Variants in ZBTB16 observed in about 807,000 individuals in gnomAD.
ZBTB16 encodes zinc finger and BTB domain containing 16.
A neutral mutation model predicts 56.8 loss-of-function variants in ZBTB16; 8 were observed. That is an observed-to-expected ratio of 0.14 (90% CI 0.08 to 0.25). The LOEUF (loss-of-function observed/expected upper bound fraction) is 0.25, where lower values mean the gene tolerates loss of function less well. Among genes scored for constraint, ZBTB16 ranks in the 10% least tolerant of loss-of-function variants. The pLI, the probability that ZBTB16 is intolerant of heterozygous loss-of-function variation, is 1.00. For synonymous variants in ZBTB16, 363 were observed against 368.5 expected (o/e 0.98, Z 0.17); for missense variants, 625 against 903.0 (o/e 0.69, Z 3.95).
chr11:114,242,530 G>A (rs780947857), intron 5 of ZBTB16, among the ~76,000 whole-genome samples, 193 bp downstream of exon 5: 1 of 152,168 alleles, frequency 6.6e-6, no homozygotes, highest in South Asian at 2.1e-4. Context: ...GTGGACCGTC[G>A]GTTCAAAGTC....
At chr11:114,247,520 C>T (rs1944839088) in intron 6 of ZBTB16, among the ~76,000 whole-genome samples, 155 bp downstream of exon 6, 1 of 128,938 alleles carries the variant, frequency 7.8e-6, no homozygotes, top group Non-Finnish European at 1.8e-5. Context: ...GGCCTGAGGA[C>T]CACCACACCC....
At chr11:114,218,643 G>A (rs1329708109) in intron 4 of ZBTB16, among the ~76,000 whole-genome samples, 3 of 152,146 alleles carry the variant, frequency 2.0e-5, no homozygotes, top group African/African-American at 7.2e-5. Flanking sequence ...CATATCAAAG[G>A]ATCATTAGCA....
intron 2 of ZBTB16, among the ~76,000 whole-genome samples, chr11:114,076,172 G>A (rs1406248399): frequency 6.6e-6 from 1 of 152,160 alleles, no homozygotes; most frequent in Admixed American, 6.5e-5. Context: ...TGGAGATGAC[G>A]CCTCCTCAGG....
At chr11:114,242,475 GC>G in intron 5 of ZBTB16, 138 bp downstream of exon 5, 1 of 1,265,116 alleles carries the variant, frequency 7.9e-7, no homozygotes, top group Non-Finnish European at 1.1e-6. Flanking sequence ...TGCAGAGGCT[GC>G]CCGTCGTGCA....
chr11:114,078,743 G>A (rs1252718636), intron 2 of ZBTB16, among the ~76,000 whole-genome samples: 1 of 152,038 alleles, frequency 6.6e-6, no homozygotes, highest in Non-Finnish European at 1.5e-5. Flanking sequence ...CTAGGAGGGG[G>A]CGGGCGTGGT....
intron 4 of ZBTB16, chr11:114,237,338 A>G (rs1944613664): frequency 6.6e-6 from 1 of 152,248 alleles, no homozygotes. Context: ...TCGGGGCCAC[A>G]AGGCAAGTAT....
intron 3 of ZBTB16, among the ~76,000 whole-genome samples, chr11:114,158,608 G>A (rs928972696): frequency 5.9e-5 from 9 of 152,178 alleles, no homozygotes; most frequent in South Asian, 2.1e-4. Flanking sequence ...CTTGGGAGGC[G>A]GGGTTACATG....
chr11:114,144,398 G>C (rs886680455), intron 2 of ZBTB16, among the ~76,000 whole-genome samples: 1 of 152,136 alleles, frequency 6.6e-6, no homozygotes, highest in Non-Finnish European at 1.5e-5. Flanking sequence ...TTTCTACTGG[G>C]GCATTTACAG....
At chr11:114,092,541 C>T (rs896534067) in intron 2 of ZBTB16, among the ~76,000 whole-genome samples, 3 of 152,174 alleles carry the variant, frequency 2.0e-5, no homozygotes, top group African/African-American at 7.2e-5. Flanking sequence ...CCTCTGCTCC[C>T]CCTCCTTTTC....
At position 114,251,601 on chromosome 11, in the gene ZBTB16, G is replaced by A. The variant is rs529390257; in HGVS notation, c.*1046G>A. 3.9e-5 allele frequency among the ~76,000 whole-genome samples: 6 copies of A among 152,194 alleles called. No homozygotes were observed. The highest frequency in any genetic ancestry group is 6.5e-5 in the Admixed American group (1 of 15,282). ...ACCTGGAAAAGAGGACACCCAGCCCGTGGGATGAGGGAAGCTGGGCAAGGG... is the reference window on the plus strand; with the variant it reads ...ACCTGGAAAAGAGGACACCCAGCCCATGGGATGAGGGAAGCTGGGCAAGGG... On this transcript the variant is annotated 3_prime_UTR_variant, in exon 7 of 7. Coordinates refer to ENST00000335953, the MANE Select transcript of ZBTB16 (RefSeq NM_006006.6).
chr11:114,158,052 T>C (rs622200), intron 3 of ZBTB16, among the ~76,000 whole-genome samples: 19,591 of 152,154 alleles, frequency 0.13, 1,656 homozygotes, highest in East Asian at 0.26. Context: ...ATGCTTCCCT[T>C]CAGCTTTGTA....
intron 3 of ZBTB16, among the ~76,000 whole-genome samples, chr11:114,161,126 T>C (rs1399490529): frequency 6.6e-6 from 1 of 152,184 alleles, no homozygotes; most frequent in East Asian, 1.9e-4. Flanking sequence ...GAGGTGTCCA[T>C]GCAGAGACCA....
At chr11:114,120,527 G>C (rs954756315) in intron 2 of ZBTB16, among the ~76,000 whole-genome samples, 8 of 152,080 alleles carry the variant, frequency 5.3e-5, no homozygotes, top group Non-Finnish European at 1.2e-4. Flanking sequence ...AGGAAATCCT[G>C]ACTCCTTAGA....
intron 3 of ZBTB16, among the ~76,000 whole-genome samples, chr11:114,173,704 T>G (rs1943032536): frequency 6.6e-6 from 1 of 151,966 alleles, no homozygotes; most frequent in Non-Finnish European, 1.5e-5. Flanking sequence ...CAGCCGAGAG[T>G]GAGGATCTGC....
intron 2 of ZBTB16, among the ~76,000 whole-genome samples, chr11:114,084,611 G>A (rs1939895805): frequency 6.6e-6 from 1 of 152,088 alleles, no homozygotes; most frequent in African/African-American, 2.4e-5. Flanking sequence ...GGGTGAGAAG[G>A]AGCAGGTGCC....
intron 4 of ZBTB16, among the ~76,000 whole-genome samples, chr11:114,213,420 TTCCATTCCC>T (rs1331431876): frequency 6.6e-6 from 1 of 152,200 alleles, no homozygotes; most frequent in African/African-American, 2.4e-5. Context: ...CCTCATTCCT[TTCCATTCCC>T]TCCATTCCCA....
rs1158275408 is a variant in ZBTB16 at position 114,251,843 on chromosome 11, TC to T, written c.*1292del. On this transcript the variant is annotated 3_prime_UTR_variant, in exon 7 of 7. Coordinates refer to ENST00000335953, the MANE Select transcript of ZBTB16 (RefSeq NM_006006.6). ...TGTTATGTTTTGCTTCTTTTCTGTG[TC>T]CCCTGTTAGCACATTGTACTTGAAT... Among the ~76,000 whole-genome samples, 1 of 152,190 alleles carries T rather than the reference TC, an allele frequency of 6.6e-6. No individual in the cohort carries two copies. The highest frequency in any genetic ancestry group is 1.5e-5 in the Non-Finnish European group (1 of 68,022).
intron 3 of ZBTB16, among the ~76,000 whole-genome samples, chr11:114,160,398 C>T (rs750616381): frequency 6.6e-6 from 1 of 152,160 alleles, no homozygotes; most frequent in Non-Finnish European, 1.5e-5. Flanking sequence ...GTTCTTCCTT[C>T]GCAGTTTTTC....
intron 2 of ZBTB16, among the ~76,000 whole-genome samples, chr11:114,086,160 T>C (rs1939950017): frequency 6.6e-6 from 1 of 152,200 alleles, no homozygotes. Context: ...ACATTCATGC[T>C]GTACCCTTTG....
Sources: gnomAD v4.1 joint callset for allele counts (sites outside exome capture counted in the v4.1 genomes callset) on GRCh38, gnomAD v4.1.1 for gene constraint, MANE v1.5 for transcripts, NCBI Gene and HGNC (gene_info 2026-07-23, HGNC 2026-07-21) for gene names.